The following PRTG variants were observed in gnomAD, a reference collection of about 807,000 sequenced individuals.
PRTG encodes the protein protogenin.
PRTG carries 67 observed loss-of-function variants against 122.5 expected under a neutral mutation model. The observed-to-expected ratio is 0.55, with a 90% CI of 0.45 to 0.67. The LOEUF is 0.67. PRTG is among the 30% of genes least tolerant of loss of function. The pLI is 0.00. For synonymous variants in PRTG, 554 were observed against 501.1 expected (o/e 1.11, Z -1.41); for missense variants, 1,435 against 1,415.4 (o/e 1.01, Z -0.22).
rs1466937053 is a variant in PRTG, at chr15:55,637,324, T to G, written c.2469A>C (p.Pro823=). The G allele has an allele frequency of 6.2e-7, 1 of 1,612,280 alleles. No individual in the cohort carries two copies. The highest frequency in any genetic ancestry group is 2.2e-5 in the East Asian group (1 of 44,874). The change falls in exon 15 of 20, where the codon CCA becomes CCC. Residue 823 remains proline, a synonymous_variant. Transcript: ENST00000389286. ...CTATTAATGTCACTTTTACTCCAAC[T>G]GGTGGGCCTGCTGGTGCTGTGCAGA... ...STLPEAPAGP[P]VGVKVTLIED... is the part of the protein sequence containing the mutation.
chr15:55,733,232 C>A (rs527573997), intron 2 of PRTG, among the ~76,000 whole-genome samples: 1 of 151,846 alleles, frequency 6.6e-6, no homozygotes, highest in Non-Finnish European at 1.5e-5. Context: ...GGAGGCCAGG[C>A]GTGGTGGCTC....
chr15:55,626,712 T>C (rs1038005868), intron 17 of PRTG, among the ~76,000 whole-genome samples: 1 of 151,678 alleles, frequency 6.6e-6, no homozygotes, highest in African/African-American at 2.4e-5. Flanking sequence ...GAGCCGAGAT[T>C]GCACCACTGC....
intron 11 of PRTG, among the ~76,000 whole-genome samples, chr15:55,647,047 A>G (rs1343742854): frequency 6.6e-6 from 1 of 152,088 alleles, no homozygotes; most frequent in African/African-American, 2.4e-5. Context: ...TAATCCCAGC[A>G]TTTTGGGAGG....
At chr15:55,684,398 A>G (rs976044225) in intron 2 of PRTG, among the ~76,000 whole-genome samples, 3 of 152,138 alleles carry the variant, frequency 2.0e-5, no homozygotes, top group African/African-American at 7.2e-5. Context: ...AAAGCACAGA[A>G]CATTTCAAGT....
At chr15:55,675,255 G>A (rs999060718) in intron 9 of PRTG, among the ~76,000 whole-genome samples, 12 of 152,006 alleles carry the variant, frequency 7.9e-5, no homozygotes, top group African/African-American at 2.4e-4. Context: ...AAAAAAGTTT[G>A]CAACATATTT....
Position 55,638,544 on chromosome 15 carries a change from T to C in PRTG, c.2452+5A>G. On this transcript the variant is annotated splice_donor_5th_base_variant and intron_variant, in intron 14 of 19. Transcript: ENST00000389286. ...ATAAAATCTATAGGGAGCTGTTTTC[T>C]TTACCTTCTGGAAGAGTAGAATGGT... 2.5e-6 allele frequency: 4 copies of C among 1,593,292 alleles called. No homozygotes were observed. In the East Asian group the frequency reaches 8.9e-5, roughly 36 times the overall value.
chr15:55,623,069 T>G (rs2059175624), intron 18 of PRTG, among the ~76,000 whole-genome samples: 1 of 152,206 alleles, frequency 6.6e-6, no homozygotes, highest in African/African-American at 2.4e-5. Flanking sequence ...ATTCATAAAA[T>G]TTAGTATCAA....
chr15:55,623,411 T>C (rs1336346136), intron 18 of PRTG, among the ~76,000 whole-genome samples: 1 of 151,970 alleles, frequency 6.6e-6, no homozygotes, highest in Non-Finnish European at 1.5e-5. Context: ...CTACTAAAAA[T>C]ACAAAATTAG....
intron 2 of PRTG, chr15:55,738,713 C>A: frequency 1.4e-5 from 3 of 210,240 alleles, no homozygotes; most frequent in South Asian, 2.4e-4. Context: ...CCAATGATTA[C>A]GGGGGAAGGA....
chr15:55,708,816 A>C (rs1260197647), intron 2 of PRTG, among the ~76,000 whole-genome samples: 3 of 151,798 alleles, frequency 2.0e-5, no homozygotes, highest in Non-Finnish European at 4.4e-5. Context: ...TTAAGTCCTT[A>C]GTTATCTGGG....
rs2059278590 is a variant in PRTG, at chr15:55,639,701, G to A, written c.2265C>T (p.Tyr755=). ...GGCCAACAGGATTACAGCGGATGGTGTAGTTAATGATTTGTGCAGCGGTGA... is the reference window on the plus strand; with the variant it reads ...GGCCAACAGGATTACAGCGGATGGTATAGTTAATGATTTGTGCAGCGGTGA... ...PAFTAAQIIN[Y]TIRCNPVGLQ... is the part of the protein sequence containing the mutation. Residue 755 remains tyrosine, a synonymous_variant, in exon 13 of 20, where the codon TAC becomes TAT. Transcript: ENST00000389286. The A allele has an allele frequency of 1.2e-6, 2 of 1,614,176 alleles. No individual in the cohort carries two copies. The highest frequency in any genetic ancestry group is 1.7e-6 in the Non-Finnish European group (2 of 1,180,038).
In PRTG at chr15:55,638,233, C is replaced by G. The variant is rs549822163; in HGVS notation, c.2452+316G>C. The stretch of plus-strand genomic sequence containing the variant: ...GTTGGCTCCTAAGATCATTAACAAA[C>G]ATATTATTCACTTACCGCCATTTAA... On this transcript the variant is annotated intron_variant, in intron 14 of 19. Transcript: ENST00000389286. Among the ~76,000 whole-genome samples, 13 of 152,278 alleles carry G rather than the reference C, an allele frequency of 8.5e-5. No homozygotes were observed. The South Asian group carries it at 2.7e-3, about 32-fold the overall frequency.
chr15:55,654,387 C>T (rs7171683), intron 11 of PRTG, among the ~76,000 whole-genome samples: 29,649 of 151,972 alleles, frequency 0.2, 3,870 homozygotes, highest in East Asian at 0.4. Context: ...AACTTAAAAG[C>T]GAGTAAAATG....
chr15:55,620,327 G>T (rs2059159435), intron 19 of PRTG, 61 bp from the exon 20 acceptor site: 2 of 1,582,290 alleles, frequency 1.3e-6, no homozygotes, highest in South Asian at 1.2e-5. Flanking sequence ...ACGAGCAAAA[G>T]CTCATCAGGT....
Position 55,646,173 on chromosome 15 carries a change from GTT to G in PRTG, c.2042-4967_2042-4966del, listed in dbSNP as rs545958068. Among the ~76,000 whole-genome samples the G allele has an allele frequency of 2.2e-3, 279 of 124,302 alleles. 1 individual carries two copies. Among genetic ancestry groups the G allele is most frequent in the African/African-American group, 6.3e-3 (212 of 33,712 alleles). 81.5% of individuals were successfully genotyped at this position (124,302 alleles called of 152,430 possible). On this transcript the variant is annotated intron_variant, in intron 11 of 19. Transcript: ENST00000389286. ...AGGCATGCACCACCATGCCCAGCTA[GTT>G]TTTTTTTTTTTTTTTTTTAGTACAG...
rs746640717 is a variant in PRTG, at chr15:55,620,111, T to C, written c.3354A>G (p.Glu1118=). The C allele has an allele frequency of 2.5e-6, 4 of 1,614,078 alleles. No individual in the cohort carries two copies. The African/African-American group carries it at 5.3e-5, about 22-fold the overall frequency. Residue 1118 remains glutamate (E), a synonymous_variant, in exon 20 of 20, where the codon GAA becomes GAG. Coordinates refer to ENST00000389286, the MANE Select transcript of PRTG (RefSeq NM_173814.6). Reference sequence around the variant, plus strand: ...CAGAATCCCCAGTCTCATGGCTGCCTTCACTATTTGCTGAATGTTCTGTAT... The same window carrying C: ...CAGAATCCCCAGTCTCATGGCTGCCCTCACTATTTGCTGAATGTTCTGTAT... ...AADTEHSANS[E]GSHETGDSGR... is the part of the protein sequence containing the mutation.
At chr15:55,686,355 T>C (rs1421471907) in intron 2 of PRTG, among the ~76,000 whole-genome samples, 1 of 152,024 alleles carries the variant, frequency 6.6e-6, no homozygotes, top group Admixed American at 6.5e-5. Flanking sequence ...GAATTTTACT[T>C]TATTATTTCT....
intron 2 of PRTG, among the ~76,000 whole-genome samples, chr15:55,692,835 CTTTTTTTTT>C (rs774248341): frequency 5.3e-5 from 4 of 74,978 alleles, no homozygotes; most frequent in South Asian, 1.3e-3. Context: ...AATGCAATCT[CTTTTTTTTT>C]TTTTTTTTTT....
At chr15:55,652,812 T>C (rs539182398) in intron 11 of PRTG, among the ~76,000 whole-genome samples, 51 of 152,160 alleles carry the variant, frequency 3.4e-4, no homozygotes, top group Non-Finnish European at 6.6e-4. Flanking sequence ...GTTTCTCCAA[T>C]TGAAATCACA....
Sources: gnomAD v4.1 joint callset for allele counts (sites outside exome capture counted in the v4.1 genomes callset) on GRCh38, gnomAD v4.1.1 for gene constraint, MANE v1.5 for transcripts, NCBI Gene and HGNC (gene_info 2026-07-23, HGNC 2026-07-21) for gene names.